The following UBR4 variants were observed in gnomAD, a reference collection of about 807,000 sequenced individuals.
The protein encoded by UBR4 is E3 ubiquitin-protein ligase UBR4.
UBR4 carries 124 observed loss-of-function variants against 575.6 expected under a neutral mutation model. The ratio of observed to expected loss-of-function variants is 0.22; its 90% confidence interval spans 0.19 to 0.25. UBR4 has a LOEUF of 0.25. Among genes scored for constraint, UBR4 ranks in the 10% least tolerant of loss-of-function variants. UBR4 has a pLI of 1.00. For synonymous variants in UBR4, 2,455 were observed against 2,473.7 expected (o/e 0.99, Z 0.22); for missense variants, 4,818 against 6,478.8 (o/e 0.74, Z 8.80).
Position 19,074,878 on chromosome 1 carries a change from G to C in UBR4, c.15506C>G (p.Thr5169Ser). Residue 5169 changes from threonine to serine, a missense_variant, in exon 106 of 106, where the codon ACC becomes AGC. By Grantham distance (58) the Thr-to-Ser change is moderately conservative (BLOSUM62 1). Transcript: ENST00000375254. Reference sequence around the variant, plus strand: ...GTCCTTCAGGAAGCTCTCTGGATCGGTGATTTCTGATAAAAGACCTGCAAA... The same window carrying C: ...GTCCTTCAGGAAGCTCTCTGGATCGCTGATTTCTGATAAAAGACCTGCAAA... ...LDVAGLLSEI[T>S]DPESFLKDLL... The C allele has an allele frequency of 2.5e-6, 4 of 1,614,136 alleles. No homozygotes were observed. Among genetic ancestry groups the C allele is most frequent in the Non-Finnish European group, 3.4e-6 (4 of 1,180,014 alleles).
chr1:19,135,072 A>C (rs1557727185), intron 60 of UBR4, among the ~76,000 whole-genome samples: 1 of 152,188 alleles, frequency 6.6e-6, no homozygotes, highest in Non-Finnish European at 1.5e-5. Context: ...TTGTATTTAC[A>C]TCTATAATTC....
At chr1:19,167,925 A>G (rs900507426) in intron 28 of UBR4, 102 bp downstream of exon 28, 18 of 1,275,044 alleles carry the variant, frequency 1.4e-5, no homozygotes, top group African/African-American at 6.1e-5. Flanking sequence ...AAAGAAGTAT[A>G]TAAGAAAGCA....
intron 97 of UBR4, among the ~76,000 whole-genome samples, chr1:19,090,343 C>T (rs970218908): frequency 1.3e-5 from 2 of 152,224 alleles, no homozygotes; most frequent in Non-Finnish European, 2.9e-5. Context: ...TCAATTCACT[C>T]TCTGTAATAT....
chr1:19,152,422 T>C lies in UBR4; in HGVS notation c.6887A>G (p.Gln2296Arg). 1.2e-6 allele frequency: 2 copies of C among 1,613,946 alleles called. No individual in the cohort carries two copies. Among genetic ancestry groups the C allele is most frequent in the Non-Finnish European group, 1.7e-6 (2 of 1,179,842 alleles). The change falls in exon 47 of 106, where the codon CAG becomes CGG. Residue 2296 changes from glutamine (Q) to arginine (R), a missense_variant. By Grantham distance (43) the Gln-to-Arg change is conservative. This residue lies in a region of UBR4 where 461 missense variants were observed against 606.9 expected (regional missense o/e 0.76). Coordinates refer to ENST00000375254, the MANE Select transcript of UBR4 (RefSeq NM_020765.3). This position sits in a 1 kb window ranked among gnomAD's most constrained non-coding sequence, Gnocchi z 4.4. Reference protein sequence around the residue: ...TFPIDFFEHNQQLTDVEFGGN... With the variant: ...TFPIDFFEHNRQLTDVEFGGN... ...ACCAAACTCCACATCTGTCAGCTGC[T>C]GGTTGTGTTCAAAAAAGTCAATGGG...
At chr1:19,111,833 T>C (rs769569297) in intron 78 of UBR4, 2 of 152,148 alleles carry the variant, frequency 1.3e-5, no homozygotes, top group African/African-American at 2.4e-5. Flanking sequence ...TTGGTCAGGC[T>C]GGTCTTGAAC....
chr1:19,170,259 T>C (rs2089300248), intron 26 of UBR4, among the ~76,000 whole-genome samples: 2 of 152,038 alleles, frequency 1.3e-5, no homozygotes, highest in Admixed American at 6.5e-5. Context: ...ATTATACGGG[T>C]ATGGTATTAT....
intron 18 of UBR4, 130 bp downstream of exon 18, chr1:19,178,921 C>T: frequency 2.5e-6 from 3 of 1,198,118 alleles, no homozygotes; most frequent in Non-Finnish European, 3.5e-6. Context: ...GTCCATCCCT[C>T]TTCTACCCTC....
At chr1:19,182,304 G>A (rs1468637250) in intron 17 of UBR4, among the ~76,000 whole-genome samples, 1 of 151,898 alleles carries the variant, frequency 6.6e-6, no homozygotes, top group Non-Finnish European at 1.5e-5. Context: ...CATTTCTTCT[G>A]GGGTATATAA....
intron 20 of UBR4, 67 bp from the exon 21 acceptor site, chr1:19,175,100 T>C: frequency 7.2e-7 from 1 of 1,398,518 alleles, no homozygotes; most frequent in Non-Finnish European, 9.9e-7. Context: ...GTATGCAATG[T>C]AAAACTCAGA....
At position 19,145,403 on chromosome 1, in the gene UBR4, G is replaced by C. The variant is rs1008129751; in HGVS notation, c.7945+390C>G. ...ATTTTCAATAGTGTAAGAAGTTAGA[G>C]ACCAAATAGCTTAGAAATAGAATAA... On this transcript the variant is annotated intron_variant, in intron 53 of 105. Coordinates refer to ENST00000375254, the MANE Select transcript of UBR4 (RefSeq NM_020765.3). Among the ~76,000 whole-genome samples, 3 of 152,084 alleles carry C rather than the reference G, an allele frequency of 2.0e-5. 1 individual carries two copies. Among genetic ancestry groups the C allele is most frequent in the Admixed American group, 2.0e-4 (3 of 15,274 alleles).
At position 19,100,118 on chromosome 1, in the gene UBR4, C is replaced by CACCA; in HGVS notation, c.13221+254_13221+257dup. ...AGAGGCAATAACGATAATAAATACCCACCACCACTACAACCAACAGCCATT... is the reference window on the plus strand; with the variant it reads ...AGAGGCAATAACGATAATAAATACCCACCAACCACCACTACAACCAACAGCCATT... On this transcript the variant is annotated intron_variant, in intron 89 of 105. Transcript: ENST00000375254. The surrounding 1 kb of genome is among the most constrained non-coding windows in gnomAD (Gnocchi z 4.2). The CACCA allele has an allele frequency of 1.9e-6, 1 of 516,760 alleles. No homozygotes were observed. The highest frequency in any genetic ancestry group is 3.4e-6 in the Non-Finnish European group (1 of 292,606). The allele number at this position is 516,760 out of a possible 1,614,324, so 32.0% of individuals were successfully genotyped here.
intron 60 of UBR4, among the ~76,000 whole-genome samples, chr1:19,133,814 C>A (rs148658403): frequency 5.3e-5 from 8 of 151,804 alleles, no homozygotes; most frequent in African/African-American, 1.9e-4. Context: ...TACGGTGGCT[C>A]ACACCTGTTA....
intron 64 of UBR4, among the ~76,000 whole-genome samples, chr1:19,125,975 G>C (rs1436975353): frequency 6.6e-6 from 1 of 152,218 alleles, no homozygotes; most frequent in Non-Finnish European, 1.5e-5. Flanking sequence ...GAAGCTGAAG[G>C]TTAGGGAGGT....
intron 37 of UBR4, 69 bp from the exon 38 acceptor site, chr1:19,161,216 T>G (rs1298189788): frequency 2.8e-6 from 4 of 1,454,164 alleles, no homozygotes; most frequent in Non-Finnish European, 3.8e-6. Context: ...GCCTGAGATC[T>G]CCGAGGAAAA....
In UBR4 at chr1:19,139,519, G is replaced by A. The variant is rs1340706502; in HGVS notation, c.8594-299C>T. Reference sequence around the variant, plus strand: ...TTTACATTACAGTGCAAGTAGAACAGTGCAGAGATTCAGTAAGAATCTGTG... The same window carrying A: ...TTTACATTACAGTGCAAGTAGAACAATGCAGAGATTCAGTAAGAATCTGTG... On this transcript the variant is annotated intron_variant, in intron 58 of 105. Coordinates refer to ENST00000375254, the MANE Select transcript of UBR4 (RefSeq NM_020765.3). This position sits in a 1 kb window ranked among gnomAD's most constrained non-coding sequence, Gnocchi z 4.2. Among the ~76,000 whole-genome samples, 2 of 152,190 alleles carry A rather than the reference G, an allele frequency of 1.3e-5. No homozygotes were observed. Among genetic ancestry groups the A allele is most frequent in the African/African-American group, 2.4e-5 (1 of 41,430 alleles).
In UBR4 at chr1:19,164,816, G is replaced by A. The variant is rs772095392; in HGVS notation, c.4494C>T (p.Tyr1498=). The A allele has an allele frequency of 3.7e-6, 6 of 1,614,090 alleles. No individual in the cohort carries two copies. The African/African-American group carries it at 5.3e-5, about 14-fold the overall frequency. Residue 1498 remains tyrosine, a synonymous_variant, in exon 32 of 106, where the codon TAC becomes TAT. Coordinates refer to ENST00000375254, the MANE Select transcript of UBR4 (RefSeq NM_020765.3). ...TGTTCTACCTGTTTTCCCGAACAAT[G>A]TATGTGGTCAGTAACTGCAGCAGCT... ...NRQLLQLLTT[Y]IVRENSQVGE...
intron 93 of UBR4, 128 bp downstream of exon 93, chr1:19,095,417 A>G (rs566694685): frequency 3.7e-5 from 33 of 901,826 alleles, no homozygotes; most frequent in African/African-American, 3.0e-4. Flanking sequence ...CCTCTGCACC[A>G]GTCAGCCAGA....
Position 19,099,565 on chromosome 1 carries a change from C to T in UBR4, c.13302+32G>A, listed in dbSNP as rs367620393. 47 of 1,599,726 alleles carry T rather than the reference C, an allele frequency of 2.9e-5. 1 individual carries two copies. In the African/African-American group the frequency reaches 4.6e-4, roughly 16 times the overall value. On this transcript the variant is annotated intron_variant, in intron 90 of 105. Coordinates refer to ENST00000375254, the MANE Select transcript of UBR4 (RefSeq NM_020765.3). ...GTCTGCATAAGTCAGAAAAGTGAAA[C>T]CACACCTCCAAACGAGAAAGCAGGC...
Position 19,160,273 on chromosome 1 carries a change from G to C in UBR4, c.5415C>G (p.Phe1805Leu), listed in dbSNP as rs949311868. 6.4e-7 allele frequency: 1 copy of C among 1,568,104 alleles called. No homozygotes were observed. Among genetic ancestry groups the C allele is most frequent in the Non-Finnish European group, 8.6e-7 (1 of 1,157,102 alleles). The change falls in exon 39 of 106, where the codon TTC becomes TTG. Residue 1805 changes from phenylalanine (F) to leucine (L), a missense_variant. Physicochemically the swap from Phe to Leu is conservative, Grantham distance 22. Transcript: ENST00000375254. ...CREELQNQAN[F>L]SFAPLVLDML... is the part of the protein sequence containing the mutation. ...TGTCTAACACGAGAGGAGCGAAGGAGAAATTGGCCTGAGAAAAATAGAAAA... is the reference window on the plus strand; with the variant it reads ...TGTCTAACACGAGAGGAGCGAAGGACAAATTGGCCTGAGAAAAATAGAAAA...
Sources: gnomAD v4.1 joint callset for allele counts (sites outside exome capture counted in the v4.1 genomes callset) on GRCh38, gnomAD v4.1.1 for gene constraint, gnomAD v4.1.1 regional missense constraint, Gnocchi (gnomAD v3.1) non-coding constraint, MANE v1.5 for transcripts, NCBI Gene and HGNC (gene_info 2026-07-23, HGNC 2026-07-21) for gene names.